SPOCK3: variants seen among roughly 807,000 people sequenced by gnomAD.
SPOCK3 encodes testican-3.
Under a neutral mutation model 56.6 loss-of-function variants are expected in SPOCK3, and 30 were observed. That is an observed-to-expected ratio of 0.53 (90% CI 0.40 to 0.72). The LOEUF is 0.72. Among genes scored for constraint, SPOCK3 ranks in the 30% least tolerant of loss-of-function variants. The probability of loss-of-function intolerance (pLI) is 0.00; values close to 1 mark genes in which losing one functional copy is unlikely to be tolerated. For missense variants in SPOCK3, 527 were observed against 530.0 expected, an observed-to-expected ratio of 0.99 and a Z score of 0.06; for synonymous variants, 196 against 183.3, an observed-to-expected ratio of 1.07 and a Z score of -0.56.
intron 6 of SPOCK3, among the ~76,000 whole-genome samples, chr4:166,862,189 G>C (rs77089176): frequency 0.012 from 1,858 of 152,100 alleles, 38 homozygotes; most frequent in African/African-American, 0.043. Flanking sequence ...TAGAAGCCTA[G>C]AAAATAAGTG....
intron 2 of SPOCK3, among the ~76,000 whole-genome samples, chr4:167,141,011 G>T (rs1049950859): frequency 6.6e-6 from 1 of 151,826 alleles, no homozygotes; most frequent in Non-Finnish European, 1.5e-5. Flanking sequence ...GCCTTCAGAG[G>T]GGGAGGAAAA....
chr4:166,793,220 T>A (rs1427456440), intron 6 of SPOCK3, among the ~76,000 whole-genome samples: 1 of 152,138 alleles, frequency 6.6e-6, no homozygotes, highest in East Asian at 1.9e-4. Context: ...TTAAAAATTA[T>A]GCAATTATAG....
Position 167,227,752 on chromosome 4 carries a change from T to G in SPOCK3, c.189+6233A>C, listed in dbSNP as rs189160491. ...AAGTACATAAAATGAAATAAAATTA[T>G]GACCCAGATCATGAAAACTAAAGTT... On this transcript the variant is annotated intron_variant, in intron 2 of 10. Transcript: ENST00000357545. Among the ~76,000 whole-genome samples the G allele has an allele frequency of 9.1e-4, 139 of 152,250 alleles. 2 individuals are homozygous for G. The highest frequency in any genetic ancestry group is 8.7e-4 in the Non-Finnish European group (59 of 68,014).
intron 2 of SPOCK3, among the ~76,000 whole-genome samples, chr4:167,090,748 C>G (rs1758631387): frequency 1.3e-5 from 2 of 152,042 alleles, no homozygotes; most frequent in African/African-American, 4.8e-5. Context: ...GGTGATCCAC[C>G]CACCTCGTCC....
At chr4:166,977,129 G>T (rs552375484) in intron 4 of SPOCK3, among the ~76,000 whole-genome samples, 1 of 151,996 alleles carries the variant, frequency 6.6e-6, no homozygotes, top group Non-Finnish European at 1.5e-5. Context: ...GCAATTAAAT[G>T]TGGATTACTT....
chr4:167,044,517 G>T (rs1753540900), intron 3 of SPOCK3, among the ~76,000 whole-genome samples: 2 of 151,640 alleles, frequency 1.3e-5, no homozygotes, highest in African/African-American at 2.4e-5. Context: ...ACTGATTTTA[G>T]ATCTTTCTTA....
At chr4:166,789,615 T>C (rs1395337662) in intron 7 of SPOCK3, among the ~76,000 whole-genome samples, 1 of 152,208 alleles carries the variant, frequency 6.6e-6, no homozygotes, top group African/African-American at 2.4e-5. Flanking sequence ...AAATGGAATG[T>C]AGGGGTGATA....
chr4:167,185,640 G>A (rs1161297754), intron 2 of SPOCK3, among the ~76,000 whole-genome samples: 4 of 152,146 alleles, frequency 2.6e-5, no homozygotes, highest in East Asian at 3.9e-4. Context: ...TACAGTCGTC[G>A]GTGAAGTCAT....
At chr4:167,005,997 T>G in intron 3 of SPOCK3, among the ~76,000 whole-genome samples, 1 of 152,164 alleles carries the variant, frequency 6.6e-6, no homozygotes, top group East Asian at 1.9e-4. Flanking sequence ...TTTTTTACAA[T>G]ATGAAAATTT....
chr4:166,734,721 A>C lies in SPOCK3; in HGVS notation c.*200T>G. 1 of 491,856 alleles carries C rather than the reference A, an allele frequency of 2.0e-6. No individual in the cohort carries two copies. Among genetic ancestry groups the C allele is most frequent in the South Asian group, 4.3e-5 (1 of 23,270 alleles). The allele number at this position is 491,856 out of a possible 1,614,324, so 30.5% of individuals were successfully genotyped here. A position where few individuals can be genotyped will look rare whatever the true frequency, so the allele number is the denominator to read the frequency against. ...TGCATATGTATTTTCTTTTTGTGTA[A>C]GGAATATAAAAACTCAAAGCAAATG... On this transcript the variant is annotated 3_prime_UTR_variant, in exon 11 of 11. Transcript: ENST00000357545.
At position 166,747,104 on chromosome 4, in the gene SPOCK3, A is replaced by G. The variant is rs558036423; in HGVS notation, c.932-5045T>C. 2.6e-5 allele frequency among the ~76,000 whole-genome samples: 4 copies of G among 152,324 alleles called. No homozygotes were observed. The South Asian group carries it at 8.3e-4, about 32-fold the overall frequency. On this transcript the variant is annotated intron_variant, in intron 8 of 10. Coordinates refer to ENST00000357545, the MANE Select transcript of SPOCK3 (RefSeq NM_001040159.2). ...TTCTGAAACTATTCCAATCAATAGA[A>G]AAAAAGTGAATCCTCCCTAACTCAT...
At chr4:167,211,991 C>T (rs1405531824) in intron 2 of SPOCK3, among the ~76,000 whole-genome samples, 1 of 152,150 alleles carries the variant, frequency 6.6e-6, no homozygotes, top group Non-Finnish European at 1.5e-5. Flanking sequence ...TGTAAACATA[C>T]TGACTCCAGC....
At chr4:167,141,127 T>G (rs958122606) in intron 2 of SPOCK3, among the ~76,000 whole-genome samples, 1 of 151,964 alleles carries the variant, frequency 6.6e-6, no homozygotes, top group East Asian at 1.9e-4. Context: ...TGATAAGTCC[T>G]GATCAGCTAA....
intron 7 of SPOCK3, among the ~76,000 whole-genome samples, chr4:166,787,516 A>G (rs1483147225): frequency 6.6e-6 from 1 of 152,208 alleles, no homozygotes; most frequent in East Asian, 1.9e-4. Flanking sequence ...ACTAAGCATC[A>G]ATAACAAATA....
chr4:167,035,468 A>G (rs1198084762), intron 3 of SPOCK3, among the ~76,000 whole-genome samples: 1 of 152,150 alleles, frequency 6.6e-6, no homozygotes, highest in Non-Finnish European at 1.5e-5. Context: ...CCAGCTCAAG[A>G]AAAGTCCCTA....
chr4:166,982,487 G>C (rs1443913436), intron 4 of SPOCK3, among the ~76,000 whole-genome samples: 1 of 152,192 alleles, frequency 6.6e-6, no homozygotes, highest in Non-Finnish European at 1.5e-5. Flanking sequence ...GGGAGATGGA[G>C]CTTGCAGTGA....
chr4:166,815,231 C>T (rs1339337248), intron 6 of SPOCK3, among the ~76,000 whole-genome samples: 3 of 151,596 alleles, frequency 2.0e-5, no homozygotes, highest in African/African-American at 4.8e-5. Flanking sequence ...ATTTTCCCCA[C>T]ATTATCAGAC....
intron 2 of SPOCK3, among the ~76,000 whole-genome samples, chr4:167,065,010 T>G (rs1035577138): frequency 9.6e-6 from 1 of 104,378 alleles, no homozygotes; most frequent in Non-Finnish European, 1.7e-5. Context: ...CTCCTCCTCC[T>G]CCTATTTTCA....
intron 2 of SPOCK3, among the ~76,000 whole-genome samples, chr4:167,198,463 G>A (rs1048762664): frequency 6.6e-6 from 1 of 152,044 alleles, no homozygotes; most frequent in Non-Finnish European, 1.5e-5. Context: ...CCATGTCTAC[G>A]CAAATATGCC....
Sources: gnomAD v4.1 joint callset for allele counts (sites outside exome capture counted in the v4.1 genomes callset) on GRCh38, gnomAD v4.1.1 for gene constraint, MANE v1.5 for transcripts, NCBI Gene and HGNC (gene_info 2026-07-23, HGNC 2026-07-21) for gene names.